POR: variants seen among roughly 807,000 people sequenced by gnomAD.
POR encodes the protein cytochrome p450 oxidoreductase.
Under a neutral mutation model 84.0 loss-of-function variants are expected in POR, and 56 were observed. The observed-to-expected ratio is 0.67, with a 90% CI of 0.54 to 0.83. POR has a LOEUF of 0.83. Ranked by LOEUF, POR falls within the 40% of genes least tolerant of loss-of-function variation. The pLI is 0.00. For synonymous variants in POR, 414 were observed against 400.5 expected, an observed-to-expected ratio of 1.03 and a Z score of -0.40; for missense variants, 938 against 944.3, an observed-to-expected ratio of 0.99 and a Z score of 0.09.
intron 2 of POR, among the ~76,000 whole-genome samples, chr7:75,970,607 A>G (rs1475103710): frequency 2.0e-5 from 3 of 151,866 alleles, no homozygotes; most frequent in Admixed American, 1.3e-4. Flanking sequence ...TTGGTTTCCC[A>G]AAGTGCTGGC....
intron 2 of POR, among the ~76,000 whole-genome samples, chr7:75,970,766 A>G (rs1334140848): frequency 6.6e-6 from 1 of 151,288 alleles, no homozygotes; most frequent in Non-Finnish European, 1.5e-5. Context: ...AAAAAGAAAA[A>G]GAAAATGCCT....
At chr7:75,970,445 A>G (rs907596231) in intron 2 of POR, among the ~76,000 whole-genome samples, 8 of 151,932 alleles carry the variant, frequency 5.3e-5, no homozygotes, top group African/African-American at 1.9e-4. Context: ...CCCAGGTTCA[A>G]GGGATCCTCC....
intron 5 of POR, 164 bp from the exon 6 acceptor site, chr7:75,980,884 G>T: frequency 9.3e-7 from 1 of 1,074,880 alleles, no homozygotes; most frequent in South Asian, 1.7e-5. Flanking sequence ...AGCCTCTTCA[G>T]TGGCCCAGTG....
At chr7:75,939,743 A>T (rs1403616162) in intron 1 of POR, among the ~76,000 whole-genome samples, 7 of 150,350 alleles carry the variant, frequency 4.7e-5, no homozygotes, top group Admixed American at 4.0e-4. Context: ...GAGTAGCTGG[A>T]ATTACAGGGG....
At chr7:75,946,212 A>G (rs1289857499) in intron 1 of POR, among the ~76,000 whole-genome samples, 1 of 152,074 alleles carries the variant, frequency 6.6e-6, no homozygotes, top group African/African-American at 2.4e-5. Flanking sequence ...GACCTAATTT[A>G]TAATAAAAGT....
chr7:75,925,631 C>T (rs868990342), intron 1 of POR, among the ~76,000 whole-genome samples: 1 of 152,182 alleles, frequency 6.6e-6, no homozygotes, highest in African/African-American at 2.4e-5. Flanking sequence ...TAGAGCACCA[C>T]GTATGTGCCA....
In POR at chr7:75,962,630, A is replaced by G. The variant is rs375035982; in HGVS notation, c.188+8450A>G. ...GGCCAACATTTTCCTCTTTAAGTGC[A>G]CCAGTTCATGAGTCTTGACAGATGT... On this transcript the variant is annotated intron_variant, in intron 2 of 15. Transcript: ENST00000461988. Among the ~76,000 whole-genome samples the G allele has an allele frequency of 5.3e-5, 8 of 152,242 alleles. No homozygotes were observed. In the East Asian group the frequency reaches 1.5e-3, roughly 29 times the overall value.
chr7:75,983,731 C>T lies in POR; in HGVS notation c.948-7C>T. On this transcript the variant is annotated splice_region_variant and splice_polypyrimidine_tract_variant and intron_variant, in intron 9 of 15. Coordinates refer to ENST00000461988, the MANE Select transcript of POR (RefSeq NM_000941.3). ...CCGCCCCTCCCGAGCCTCACATCTC[C>T]CTCCAGGTATGAATCTGGGGACCAC... 3.1e-6 allele frequency: 5 copies of T among 1,611,756 alleles called. No homozygotes were observed. The highest frequency in any genetic ancestry group is 3.4e-6 in the Non-Finnish European group (4 of 1,179,076).
intron 2 of POR, among the ~76,000 whole-genome samples, chr7:75,970,198 T>G (rs1309381406): frequency 3.3e-5 from 5 of 152,090 alleles, no homozygotes; most frequent in African/African-American, 9.7e-5. Context: ...TGGGGTCCCC[T>G]TACTCAGGGT....
chr7:75,982,493 G>A (rs78397552), intron 8 of POR, among the ~76,000 whole-genome samples, 171 bp downstream of exon 8: 2 of 152,206 alleles, frequency 1.3e-5, no homozygotes, highest in Non-Finnish European at 2.9e-5. Flanking sequence ...CAGGAGACTG[G>A]CACTCGCCCA....
At chr7:75,941,182 C>G (rs1807961948) in intron 1 of POR, among the ~76,000 whole-genome samples, 1 of 151,902 alleles carries the variant, frequency 6.6e-6, no homozygotes, top group East Asian at 1.9e-4. Context: ...GCAAACAGAC[C>G]AAAAAGATGC....
chr7:75,978,413 T>C (rs1237870278), intron 3 of POR, among the ~76,000 whole-genome samples: 3 of 152,236 alleles, frequency 2.0e-5, no homozygotes, highest in Non-Finnish European at 4.4e-5. Flanking sequence ...CATTAAGTAT[T>C]ACATTAATAA....
chr7:75,917,596 A>G (rs1554548219), intron 1 of POR, among the ~76,000 whole-genome samples: 2 of 151,924 alleles, frequency 1.3e-5, no homozygotes, highest in African/African-American at 4.8e-5. Context: ...ACTCACTTAA[A>G]AATTAAAGTT....
rs903228057 is a variant in POR, at chr7:75,970,521, A to T, written c.189-1892A>T. Among the ~76,000 whole-genome samples, 86 of 148,168 alleles carry T rather than the reference A, an allele frequency of 5.8e-4. 2 individuals are homozygous for T. The highest frequency in any genetic ancestry group is 5.1e-3 in the South Asian group (24 of 4,674). On this transcript the variant is annotated intron_variant, in intron 2 of 15. Transcript: ENST00000461988. ...CACCACACCGGGCTAATTAAAAAAA[A>T]TTTTTTTTTTTAGAGGTAGAGTATT...
chr7:75,954,130 C>T lies in POR; in HGVS notation c.138C>T (p.Leu46=). Residue 46 remains leucine (L), a synonymous_variant, in exon 2 of 16, where the codon CTC becomes CTT. Transcript: ENST00000461988. ...TGGGTCTCCTAACCTACTGGTTCCT[C>T]TTCAGAAAGAAAAAAGAAGAAGTCC... 2 of 1,613,190 alleles carry T rather than the reference C, an allele frequency of 1.2e-6. No homozygotes were observed. Among genetic ancestry groups the T allele is most frequent in the East Asian group, 2.2e-5 (1 of 44,848 alleles).
At chr7:75,930,857 C>G (rs536744052) in intron 1 of POR, among the ~76,000 whole-genome samples, 3 of 146,480 alleles carry the variant, frequency 2.0e-5, no homozygotes, top group African/African-American at 5.1e-5. Flanking sequence ...GGGTCTTGCT[C>G]TGTCACCCAG....
chr7:75,922,881 A>C, intron 1 of POR: 1 of 593,084 alleles, frequency 1.7e-6, no homozygotes, highest in Middle Eastern at 4.9e-4. Flanking sequence ...AGCAGAGGGA[A>C]GGAAAAGAGC....
At chr7:75,919,795 C>T (rs943815742) in intron 1 of POR, among the ~76,000 whole-genome samples, 3 of 152,076 alleles carry the variant, frequency 2.0e-5, no homozygotes, top group African/African-American at 7.2e-5. Flanking sequence ...GTGGCTTGTG[C>T]AGCAAACTGT....
At chr7:75,963,891 G>T (rs1168116223) in intron 2 of POR, among the ~76,000 whole-genome samples, 1 of 152,158 alleles carries the variant, frequency 6.6e-6, no homozygotes, top group Non-Finnish European at 1.5e-5. Flanking sequence ...ATCTTAGAGG[G>T]CCTTGGGACC....
Sources: gnomAD v4.1 joint callset for allele counts (sites outside exome capture counted in the v4.1 genomes callset) on GRCh38, gnomAD v4.1.1 for gene constraint, MANE v1.5 for transcripts, NCBI Gene and HGNC (gene_info 2026-07-23, HGNC 2026-07-21) for gene names.